The following NFRKB variants were observed in gnomAD, a reference collection of about 807,000 sequenced individuals.
NFRKB encodes nuclear factor related to kappaB binding protein, also known as nuclear factor related to kappa-B-binding protein.
NFRKB carries 62 observed loss-of-function variants against 135.7 expected under a neutral mutation model. The observed-to-expected ratio is 0.46, with a 90% CI of 0.37 to 0.56. The LOEUF (loss-of-function observed/expected upper bound fraction) is 0.56. Among genes scored for constraint, NFRKB ranks in the 20% least tolerant of loss-of-function variants. NFRKB has a pLI of 0.00. For synonymous variants in NFRKB, 678 were observed against 635.6 expected, an observed-to-expected ratio of 1.07 and a Z score of -1.00; for missense variants, 1,545 against 1,662.0, an observed-to-expected ratio of 0.93 and a Z score of 1.22.
At chr11:129,881,402 A>G (rs377539710) in intron 13 of NFRKB, 41 bp downstream of exon 13, 25 of 1,598,472 alleles carry the variant, frequency 1.6e-5, no homozygotes, top group Middle Eastern at 1.7e-4. Context: ...AAGAAATGGG[A>G]GAACGAAAAC....
At chr11:129,865,516 G>A (rs1948147513) in intron 25 of NFRKB, among the ~76,000 whole-genome samples, 1 of 152,190 alleles carries the variant, frequency 6.6e-6, no homozygotes, top group Admixed American at 6.5e-5. Context: ...TCCCTGAACT[G>A]CTTAGGTTCA....
intron 3 of NFRKB, among the ~76,000 whole-genome samples, chr11:129,891,106 G>A (rs1453556469): frequency 6.6e-6 from 1 of 152,136 alleles, no homozygotes; most frequent in Non-Finnish European, 1.5e-5. Context: ...AGGTAGTGGT[G>A]ACCAGAACCA....
Position 129,864,668 on chromosome 11 carries a change from C to T in NFRKB, c.*57G>A, listed in dbSNP as rs1350933271. 1.2e-6 allele frequency: 2 copies of T among 1,610,730 alleles called. No individual in the cohort carries two copies. Among genetic ancestry groups the T allele is most frequent in the Non-Finnish European group, 8.5e-7 (1 of 1,178,278 alleles). ...AACAATGATGCAACCTCCCTGGTCC[C>T]TTCTCAGCCAGGACAGACCAGGCAT... On this transcript the variant is annotated 3_prime_UTR_variant, in exon 27 of 27. Transcript: ENST00000682444.
intron 13 of NFRKB, among the ~76,000 whole-genome samples, chr11:129,880,926 T>A (rs1948998069): frequency 2.0e-5 from 3 of 152,324 alleles, no homozygotes; most frequent in East Asian, 3.9e-4. Context: ...ACTGGATTTC[T>A]CTCTTTTCAC....
chr11:129,882,303 A>G, intron 10 of NFRKB, 109 bp from the exon 11 acceptor site: 2 of 1,339,176 alleles, frequency 1.5e-6, no homozygotes, highest in Non-Finnish European at 2.1e-6. Context: ...AGAAAGGAGC[A>G]AACAATATAT....
At position 129,874,622 on chromosome 11, in the gene NFRKB, A is replaced by G; in HGVS notation, c.1979-42T>C. On this transcript the variant is annotated intron_variant, in intron 19 of 26. Coordinates refer to ENST00000682444, the MANE Select transcript of NFRKB (RefSeq NM_001143835.2). The surrounding 1 kb of genome is among the most constrained non-coding windows in gnomAD (Gnocchi z 4.5). ...CAAGCTTCAGCCAGAGTTTAACCTT[A>G]GCAAACTAAAAAGAGGGGCTTTGTT... The G allele has an allele frequency of 6.2e-7, 1 of 1,609,078 alleles. No homozygotes were observed. Among genetic ancestry groups the G allele is most frequent in the Non-Finnish European group, 8.5e-7 (1 of 1,177,984 alleles).
Position 129,878,295 on chromosome 11 carries a change from A to T in NFRKB, c.1511+14T>A. On this transcript the variant is annotated intron_variant, in intron 15 of 26. Coordinates refer to ENST00000682444, the MANE Select transcript of NFRKB (RefSeq NM_001143835.2). Reference sequence around the variant, plus strand: ...TTCCCAGGACACCACCCACCACTACAGTATTGTACTCACACCCGAGGGACA... The same window carrying T: ...TTCCCAGGACACCACCCACCACTACTGTATTGTACTCACACCCGAGGGACA... The T allele has an allele frequency of 6.2e-7, 1 of 1,613,576 alleles. No individual in the cohort carries two copies. Among genetic ancestry groups the T allele is most frequent in the Non-Finnish European group, 8.5e-7 (1 of 1,179,748 alleles).
chr11:129,890,029 G>GC (rs570845826), intron 3 of NFRKB, among the ~76,000 whole-genome samples: 3 of 134,250 alleles, frequency 2.2e-5, no homozygotes, highest in African/African-American at 8.4e-5. Context: ...GGGTTTTTTT[G>GC]TTTTTTTTTT....
At position 129,886,386 on chromosome 11, in the gene NFRKB, G is replaced by T; in HGVS notation, c.396C>A (p.Tyr132Ter). Residue 132 changes from tyrosine (Y) to a stop codon, truncating the protein, a stop_gained, in exon 5 of 27, where the codon TAC (tyrosine) becomes TAA (stop). Transcript: ENST00000682444. LOFTEE classifies it high-confidence loss of function. ...KYRQLCFKSQYKRYLNSQQQY... is the reference protein window; with the variant it reads ...KYRQLCFKSQ ...GCTGCTGGGAGTTGAGGTAGCGCTT[G>T]TACTGTGACTTGAAGCATAACTGCC... 6.2e-7 allele frequency: 1 copy of T among 1,614,112 alleles called. No homozygotes were observed. Among genetic ancestry groups the T allele is most frequent in the South Asian group, 1.1e-5 (1 of 91,084 alleles).
intron 17 of NFRKB, 119 bp downstream of exon 17, chr11:129,876,602 C>T (rs1948777056): frequency 2.7e-6 from 3 of 1,106,080 alleles, no homozygotes; most frequent in Non-Finnish European, 2.5e-6. Context: ...AAAAACTATG[C>T]CTTGTTCTCA....
rs1388169013 is a variant in NFRKB, at chr11:129,894,378, CT to C, written c.-42del. 6.6e-6 allele frequency: 1 copy of C among 152,178 alleles called. No homozygotes were observed. The highest frequency in any genetic ancestry group is 1.5e-5 in the Non-Finnish European group (1 of 68,042). The allele number at this position is 152,178 out of a possible 1,614,324, so 9.4% of individuals were successfully genotyped here. On this transcript the variant is annotated 5_prime_UTR_variant, in exon 2 of 27. Coordinates refer to ENST00000682444, the MANE Select transcript of NFRKB (RefSeq NM_001143835.2). ...TCTTACCACGCCAGGTGTCAATTTC[CT>C]TATTTGAGGAAGGGAAGCTGGACCA...
At chr11:129,893,058 T>C (rs1175669342) in intron 2 of NFRKB, 188 bp from the exon 3 acceptor site, 2 of 1,431,378 alleles carry the variant, frequency 1.4e-6, no homozygotes, top group African/African-American at 2.9e-5. Flanking sequence ...TTTTCAAGTC[T>C]TACCTGGAAG....
At position 129,882,552 on chromosome 11, in the gene NFRKB, T is replaced by C. The variant is rs79217130; in HGVS notation, c.981A>G (p.Lys327=). Residue 327 remains lysine, a synonymous_variant, in exon 10 of 27, where the codon AAA becomes AAG. Transcript: ENST00000682444. ...GCTCGGCCAGGTCCTCTGCCTCTGA[T>C]TTGATCGTTTTTATTTTCTTCTTCT... The part of the protein sequence containing the change: ...EKKKKKIKTI[K]SEAEDLAEPL... 543 of 1,614,088 alleles carry C rather than the reference T, an allele frequency of 3.4e-4. 4 individuals carry two copies. In the East Asian group the frequency reaches 0.01, roughly 30 times the overall value.
intron 23 of NFRKB, 76 bp downstream of exon 23, chr11:129,872,808 G>C: frequency 6.9e-7 from 1 of 1,440,704 alleles, no homozygotes; most frequent in African/African-American, 1.4e-5. Flanking sequence ...ATGCAGTCTG[G>C]CCAAGAACCT....
Position 129,864,934 on chromosome 11 carries a change from G to A in NFRKB, c.3774+32C>T, listed in dbSNP as rs755174399. 4.5e-5 allele frequency: 72 copies of A among 1,612,130 alleles called. No homozygotes were observed. The Middle Eastern group carries it at 6.7e-4, about 15-fold the overall frequency. ...ACAGCAGTGGAATCAGAGAGGAGCC[G>A]GATATGGCCAAGAATTTGCCCTGGG... is the stretch of plus-strand genomic sequence containing the variant. On this transcript the variant is annotated intron_variant, in intron 26 of 26. Coordinates refer to ENST00000682444, the MANE Select transcript of NFRKB (RefSeq NM_001143835.2).
chr11:129,886,225 G>C (rs1949270173), intron 5 of NFRKB, 92 bp downstream of exon 5: 4 of 1,438,116 alleles, frequency 2.8e-6, no homozygotes, highest in African/African-American at 1.4e-5. Context: ...TTTTCTTCGT[G>C]GCAATTTTTG....
intron 13 of NFRKB, 76 bp from the exon 14 acceptor site, chr11:129,878,619 C>T (rs866028375): frequency 2.0e-5 from 23 of 1,161,782 alleles, no homozygotes; most frequent in African/African-American, 1.1e-4. Context: ...TCTTTACTAG[C>T]TGTAACTACA....
intron 4 of NFRKB, 182 bp downstream of exon 4, chr11:129,888,412 C>A (rs1459301667): frequency 2.8e-6 from 2 of 705,724 alleles, no homozygotes; most frequent in South Asian, 3.0e-5. Context: ...CTATATAAGT[C>A]AATACATTTT....
intron 4 of NFRKB, 31 bp downstream of exon 4, chr11:129,888,563 C>G (rs201536367): frequency 7.5e-6 from 12 of 1,597,322 alleles, no homozygotes; most frequent in African/African-American, 1.3e-5. Flanking sequence ...ATCCACCACC[C>G]CCCTCAAAGA....
Sources: allele counts gnomAD v4.1 joint callset (sites outside exome capture counted in the v4.1 genomes callset), GRCh38; gene constraint gnomAD v4.1.1; non-coding constraint Gnocchi (gnomAD v3.1); transcripts MANE v1.5; gene names NCBI Gene and HGNC (gene_info 2026-07-23, HGNC 2026-07-21).